SUPT3H: variants seen among roughly 807,000 people sequenced by gnomAD.
The protein encoded by SUPT3H is SPT3 homolog, SAGA and STAGA complex component.
SUPT3H carries 44 observed loss-of-function variants against 44.3 expected under a neutral mutation model. The observed-to-expected ratio is 0.99, with a 90% CI of 0.78 to 1.28. The LOEUF (loss-of-function observed/expected upper bound fraction) is 1.28, where lower values mean the gene tolerates loss of function less well. Among genes scored for constraint, SUPT3H ranks in the 50% most tolerant of loss-of-function variants. SUPT3H has a pLI of 0.00. For missense variants in SUPT3H, 380 were observed against 387.1 expected (o/e 0.98, Z 0.15); for synonymous variants, 124 against 125.6 (o/e 0.99, Z 0.09).
chr6:44,958,132 A>G (rs1487644895), intron 7 of SUPT3H, among the ~76,000 whole-genome samples: 1 of 152,224 alleles, frequency 6.6e-6, no homozygotes. Context: ...CAGAATCCTG[A>G]GCAATGGTCA....
At chr6:45,245,052 T>C (rs1771097668) in intron 2 of SUPT3H, among the ~76,000 whole-genome samples, 4 of 152,058 alleles carry the variant, frequency 2.6e-5, no homozygotes, top group South Asian at 2.1e-4. Flanking sequence ...TTAAAAGATT[T>C]TGTAAAAATC....
At chr6:44,985,204 TAAATAAATAAATAAAATA>T (rs1480008452) in intron 6 of SUPT3H, among the ~76,000 whole-genome samples, 2 of 36,068 alleles carry the variant, frequency 5.5e-5, no homozygotes, top group South Asian at 1.7e-3. Flanking sequence ...AATAAATAAA[TAAATAAATAAATAAAATA>T]AAATAAAATA....
intron 5 of SUPT3H, 62 bp downstream of exon 5, chr6:45,014,739 G>T: frequency 8.5e-7 from 1 of 1,181,680 alleles, no homozygotes; most frequent in Non-Finnish European, 1.2e-6. Flanking sequence ...TTGCATAAAT[G>T]TGTTATCCAG....
intron 1 of SUPT3H, among the ~76,000 whole-genome samples, chr6:45,367,100 T>C (rs2150288507): frequency 6.6e-6 from 1 of 152,186 alleles, no homozygotes; most frequent in Non-Finnish European, 1.5e-5. Flanking sequence ...AGATAGGCTT[T>C]ATTTGAAGCT....
chr6:45,236,608 G>A (rs1769204127), intron 2 of SUPT3H, among the ~76,000 whole-genome samples: 1 of 151,622 alleles, frequency 6.6e-6, no homozygotes, highest in Non-Finnish European at 1.5e-5. Context: ...GAGGACCTTG[G>A]GTGAAAAGTA....
chr6:45,079,067 T>C (rs112903679), intron 3 of SUPT3H, among the ~76,000 whole-genome samples: 15 of 152,226 alleles, frequency 9.9e-5, no homozygotes, highest in African/African-American at 3.6e-4. Flanking sequence ...TCCCAGCACT[T>C]TGGGAGGCCG....
intron 10 of SUPT3H, among the ~76,000 whole-genome samples, chr6:44,928,913 A>AAAAAAAAAAAAC: frequency 6.9e-6 from 1 of 145,860 alleles, no homozygotes; most frequent in Non-Finnish European, 1.5e-5. Flanking sequence ...AAGAAAAGAA[A>AAAAAAAAAAAAC]AGAAACAAAT....
chr6:45,351,852 C>A (rs767824286), intron 2 of SUPT3H, among the ~76,000 whole-genome samples: 24 of 152,122 alleles, frequency 1.6e-4, no homozygotes, highest in Non-Finnish European at 3.1e-4. Flanking sequence ...CTGCTGAGCA[C>A]TTTGAAAAAG....
chr6:45,358,398 T>G (rs867057837), intron 2 of SUPT3H, among the ~76,000 whole-genome samples: 1 of 152,142 alleles, frequency 6.6e-6, no homozygotes, highest in Non-Finnish European at 1.5e-5. Context: ...GAACTAAAAT[T>G]TCTATCACTG....
intron 10 of SUPT3H, among the ~76,000 whole-genome samples, chr6:44,906,789 G>A (rs1766168933): frequency 6.6e-6 from 1 of 151,946 alleles, no homozygotes; most frequent in Non-Finnish European, 1.5e-5. Context: ...AATTCACAAG[G>A]GTTCCCAGTC....
rs1341704315 is a variant in SUPT3H, at chr6:45,349,665, G to C, written c.101+15536C>G. ...TTTTAAGTCATAGGTTGTTTCACTG[G>C]TTTTCATCAATTTGCTGCTCTTTAT... On this transcript the variant is annotated intron_variant, in intron 2 of 10. Transcript: ENST00000371459. Among the ~76,000 whole-genome samples, 5 of 152,204 alleles carry C rather than the reference G, an allele frequency of 3.3e-5. No individual in the cohort carries two copies. In the East Asian group the frequency reaches 7.7e-4, roughly 23 times the overall value.
chr6:45,119,055 A>T (rs1289004976), intron 2 of SUPT3H, among the ~76,000 whole-genome samples: 1 of 152,200 alleles, frequency 6.6e-6, no homozygotes, highest in Non-Finnish European at 1.5e-5. Context: ...TCAGATAGAT[A>T]ACAGAGCACA....
At chr6:45,023,953 G>A (rs374799750) in intron 3 of SUPT3H, among the ~76,000 whole-genome samples, 2 of 152,058 alleles carry the variant, frequency 1.3e-5, no homozygotes, top group African/African-American at 4.8e-5. Flanking sequence ...GTGAGCAACT[G>A]GGCAGTCCAA....
At chr6:45,292,770 C>G (rs1403188228) in intron 2 of SUPT3H, among the ~76,000 whole-genome samples, 1 of 80,862 alleles carries the variant, frequency 1.2e-5, no homozygotes, top group Non-Finnish European at 2.8e-5. Flanking sequence ...AAGGCCTTGT[C>G]CAACAGGAAA....
intron 2 of SUPT3H, among the ~76,000 whole-genome samples, chr6:45,349,846 TTC>T (rs949907237): frequency 4.6e-5 from 7 of 152,256 alleles, no homozygotes; most frequent in African/African-American, 1.7e-4. Flanking sequence ...GTTGTCAATG[TTC>T]TCTTTTATTC....
intron 6 of SUPT3H, among the ~76,000 whole-genome samples, chr6:44,974,198 A>C (rs1372809904): frequency 6.6e-6 from 1 of 152,066 alleles, no homozygotes; most frequent in Non-Finnish European, 1.5e-5. Context: ...GGTGTATGTG[A>C]ACATTTGAAA....
intron 2 of SUPT3H, among the ~76,000 whole-genome samples, chr6:45,321,511 T>C (rs1785496379): frequency 6.6e-6 from 1 of 152,164 alleles, no homozygotes; most frequent in Admixed American, 6.5e-5. Context: ...CTATGGATAT[T>C]GTACTATAAA....
intron 2 of SUPT3H, among the ~76,000 whole-genome samples, chr6:45,183,953 A>C (rs1000113336): frequency 3.9e-5 from 6 of 152,224 alleles, no homozygotes; most frequent in Admixed American, 1.3e-4. Context: ...AGGGATGAAC[A>C]GGTAGACACA....
At chr6:45,070,827 G>A (rs1794276497) in intron 3 of SUPT3H, among the ~76,000 whole-genome samples, 1 of 151,020 alleles carries the variant, frequency 6.6e-6, no homozygotes, top group Non-Finnish European at 1.5e-5. Flanking sequence ...AGGAAGAAGT[G>A]TTACTACCAG....
Sources: gnomAD v4.1 joint callset for allele counts (sites outside exome capture counted in the v4.1 genomes callset) on GRCh38, gnomAD v4.1.1 for gene constraint, MANE v1.5 for transcripts, NCBI Gene and HGNC (gene_info 2026-07-23, HGNC 2026-07-21) for gene names.